The following MEIS1 variants were observed in gnomAD, a reference collection of about 807,000 sequenced individuals.
MEIS1 encodes homeobox protein Meis1.
Under a neutral mutation model 50.8 loss-of-function variants are expected in MEIS1, and 5 were observed. The ratio of observed to expected loss-of-function variants is 0.10; its 90% confidence interval spans 0.05 to 0.21. The LOEUF (loss-of-function observed/expected upper bound fraction) is 0.21, where lower values mean the gene tolerates loss of function less well. Ranked by LOEUF, MEIS1 falls within the 10% of genes least tolerant of loss-of-function variation. The pLI is 1.00. For synonymous variants in MEIS1, 176 were observed against 179.3 expected (o/e 0.98, Z 0.15); for missense variants, 318 against 517.3 (o/e 0.61, Z 3.74).
intron 7 of MEIS1, among the ~76,000 whole-genome samples, chr2:66,490,612 A>G (rs1009577564): frequency 6.6e-6 from 1 of 152,110 alleles, no homozygotes; most frequent in African/African-American, 2.4e-5. Flanking sequence ...CTTTCTTTCA[A>G]TGATTCAAGC....
chr2:66,462,173 T>C (rs1263546551), intron 6 of MEIS1, among the ~76,000 whole-genome samples: 2 of 152,216 alleles, frequency 1.3e-5, no homozygotes, highest in Non-Finnish European at 2.9e-5. Context: ...AGTCACCTTT[T>C]TGGAGTCCTA....
At chr2:66,544,195 G>A (rs1465075230) in intron 8 of MEIS1, among the ~76,000 whole-genome samples, 2 of 152,150 alleles carry the variant, frequency 1.3e-5, no homozygotes, top group Non-Finnish European at 2.9e-5. Context: ...TGGGCAGAAG[G>A]CAACAGGGCT....
intron 10 of MEIS1, 126 bp from the exon 11 acceptor site, chr2:66,568,541 A>G (rs530150724): frequency 8.6e-6 from 6 of 695,770 alleles, no homozygotes; most frequent in African/African-American, 3.6e-5. Context: ...TTGAATGTTT[A>G]AAAAATTATA....
At chr2:66,494,214 G>A (rs2139245) in intron 7 of MEIS1, among the ~76,000 whole-genome samples, 2 of 152,186 alleles carry the variant, frequency 1.3e-5, no homozygotes, top group African/African-American at 2.4e-5. Flanking sequence ...ATATGTAATA[G>A]CTCTCCCCGT....
At chr2:66,559,012 G>A (rs59379691) in intron 9 of MEIS1, among the ~76,000 whole-genome samples, 19,765 of 151,886 alleles carry the variant, frequency 0.13, 1,380 homozygotes, top group African/African-American at 0.16. Context: ...CATGTTGGTG[G>A]GTGCCTATAA....
chr2:66,463,290 C>T (rs1250135084), intron 6 of MEIS1, among the ~76,000 whole-genome samples: 3 of 151,906 alleles, frequency 2.0e-5, no homozygotes, highest in African/African-American at 4.8e-5. Context: ...ATCATTCCTA[C>T]TGTGCAGGAT....
intron 9 of MEIS1, among the ~76,000 whole-genome samples, chr2:66,549,942 T>C (rs1674879439): frequency 1.3e-5 from 2 of 152,150 alleles, no homozygotes; most frequent in South Asian, 2.1e-4. Flanking sequence ...AATATATATA[T>C]ACACACAGTT....
chr2:66,517,628 T>C (rs1453498852), intron 8 of MEIS1, among the ~76,000 whole-genome samples: 1 of 152,154 alleles, frequency 6.6e-6, no homozygotes, highest in African/African-American at 2.4e-5. Flanking sequence ...ACTTTGTAGA[T>C]AGCGTATTTC....
At chr2:66,449,824 A>G (rs1003750062) in intron 6 of MEIS1, among the ~76,000 whole-genome samples, 2 of 152,196 alleles carry the variant, frequency 1.3e-5, no homozygotes, top group South Asian at 4.1e-4. Context: ...GGAAAATACA[A>G]GAGTGCAAAT....
chr2:66,506,220 A>G (rs1036798824), intron 7 of MEIS1, among the ~76,000 whole-genome samples: 1 of 152,192 alleles, frequency 6.6e-6, no homozygotes, highest in African/African-American at 2.4e-5. Context: ...CCAGTAAAAG[A>G]AAAATCACCT....
intron 4 of MEIS1, chr2:66,440,924 T>C (rs1205937277): frequency 2.8e-5 from 12 of 434,976 alleles, no homozygotes; most frequent in East Asian, 1.2e-4. Context: ...TGCTTAAACT[T>C]TGCGGACTTC....
rs929474509 is a variant in MEIS1, at chr2:66,573,862, A to G, written c.*2654A>G. ...TTTAACAATTAATAATAAACTTTATAAACTGTCTATTTGCTCCTCCTCTCC... is the reference window on the plus strand; with the variant it reads ...TTTAACAATTAATAATAAACTTTATGAACTGTCTATTTGCTCCTCCTCTCC... On this transcript the variant is annotated 3_prime_UTR_variant, in exon 13 of 13. Transcript: ENST00000272369. 43 of 152,272 alleles carry G rather than the reference A, an allele frequency of 2.8e-4. No homozygotes were observed. The highest frequency in any genetic ancestry group is 9.6e-4 in the African/African-American group (40 of 41,554). The allele number at this position is 152,272 out of a possible 1,614,324, so 9.4% of individuals were successfully genotyped here.
chr2:66,440,050 C>G (rs557881957), intron 3 of MEIS1, 66 bp downstream of exon 3: 3 of 1,222,228 alleles, frequency 2.5e-6, no homozygotes, highest in East Asian at 3.3e-5. Context: ...CCAACACACA[C>G]GCGCGCGCGC....
intron 8 of MEIS1, among the ~76,000 whole-genome samples, chr2:66,526,433 C>A (rs891143296): frequency 6.6e-6 from 1 of 152,166 alleles, no homozygotes. Context: ...GGCAGGGTGC[C>A]TACTTTATTT....
At chr2:66,468,224 G>A (rs1453887503) in intron 7 of MEIS1, among the ~76,000 whole-genome samples, 2 of 152,100 alleles carry the variant, frequency 1.3e-5, no homozygotes, top group African/African-American at 4.8e-5. Context: ...ATGGCTGCCC[G>A]CCTAACCATA....
Position 66,441,402 on chromosome 2 carries a change from G to C in MEIS1, c.433-12G>C, listed in dbSNP as rs1239780141. On this transcript the variant is annotated splice_polypyrimidine_tract_variant and intron_variant, in intron 4 of 12. Transcript: ENST00000272369. ...CAGGAATGGGGTGCTTATTGTTTTT[G>C]TATCTTTGCAGATGATTCAAGCCAT... 1.3e-6 allele frequency: 2 copies of C among 1,540,170 alleles called. No individual in the cohort carries two copies. The highest frequency in any genetic ancestry group is 4.9e-5 in the East Asian group (2 of 41,146).
chr2:66,466,023 C>T (rs541432855), intron 7 of MEIS1, among the ~76,000 whole-genome samples: 1 of 152,144 alleles, frequency 6.6e-6, no homozygotes, highest in East Asian at 1.9e-4. Context: ...TATTTGAGTC[C>T]AATACCTAGT....
At chr2:66,500,512 CCT>C (rs1381606758) in intron 7 of MEIS1, among the ~76,000 whole-genome samples, 2 of 152,258 alleles carry the variant, frequency 1.3e-5, no homozygotes, top group East Asian at 3.9e-4. Flanking sequence ...GCAAGCTCCG[CCT>C]CTCAGGTTCA....
intron 6 of MEIS1, chr2:66,461,751 G>A (rs1186230700): frequency 9.9e-5 from 37 of 374,174 alleles, no homozygotes; most frequent in Admixed American, 7.2e-5. Flanking sequence ...GAGGAGCCCA[G>A]CATCTAAGGC....
Sources: gnomAD v4.1 joint callset for allele counts (sites outside exome capture counted in the v4.1 genomes callset) on GRCh38, gnomAD v4.1.1 for gene constraint, MANE v1.5 for transcripts, NCBI Gene and HGNC (gene_info 2026-07-23, HGNC 2026-07-21) for gene names.